The following FMN1 variants were observed in gnomAD, a reference collection of about 807,000 sequenced individuals.
The protein encoded by FMN1 is formin-1.
In FMN1, 110 loss-of-function variants were observed where a neutral mutation model predicts 132.4. The observed-to-expected ratio is 0.83, with a 90% CI of 0.71 to 0.97. The LOEUF (loss-of-function observed/expected upper bound fraction) is 0.97, where lower values mean the gene tolerates loss of function less well. FMN1 is among the 50% of genes least tolerant of loss of function. The pLI is 0.00. For synonymous variants in FMN1, 722 were observed against 651.7 expected (o/e 1.11, Z -1.64); for missense variants, 1,792 against 1,705.3 (o/e 1.05, Z -0.90).
intron 7 of FMN1, among the ~76,000 whole-genome samples, chr15:32,993,051 G>GT (rs1436760126): frequency 3.3e-5 from 5 of 152,210 alleles, no homozygotes; most frequent in Non-Finnish European, 7.3e-5. Flanking sequence ...GAGTCACCAT[G>GT]TAAGGGATGC....
At chr15:33,118,261 T>C (rs2040003379) in intron 4 of FMN1, among the ~76,000 whole-genome samples, 1 of 152,210 alleles carries the variant, frequency 6.6e-6, no homozygotes, top group Non-Finnish European at 1.5e-5. Context: ...CGTAAGAGAT[T>C]TTCTCATTTG....
chr15:32,996,013 T>C (rs1189927412), intron 7 of FMN1, among the ~76,000 whole-genome samples: 1 of 152,228 alleles, frequency 6.6e-6, no homozygotes, highest in African/African-American at 2.4e-5. Flanking sequence ...GAACAAACTT[T>C]ACCATCCAAA....
chr15:32,860,183 G>GAGGA (rs10552498), intron 16 of FMN1, among the ~76,000 whole-genome samples: 19 of 146,240 alleles, frequency 1.3e-4, no homozygotes, highest in Non-Finnish European at 2.7e-4. Context: ...AAAGAAAAGG[G>GAGGA]AGGAAGGAAG....
intron 3 of FMN1, among the ~76,000 whole-genome samples, chr15:33,165,844 G>A (rs953480141): frequency 6.6e-6 from 1 of 152,106 alleles, no homozygotes; most frequent in Non-Finnish European, 1.5e-5. Flanking sequence ...GACCATGGGG[G>A]CTCTCCAAGA....
intron 17 of FMN1, among the ~76,000 whole-genome samples, chr15:32,808,902 T>G (rs915647286): frequency 1.1e-4 from 5 of 45,340 alleles, no homozygotes; most frequent in South Asian, 6.6e-4. Flanking sequence ...AACTTTAGTG[T>G]TTTTTTTTTT....
chr15:33,189,089 T>C (rs537519757), intron 2 of FMN1, among the ~76,000 whole-genome samples: 108 of 152,318 alleles, frequency 7.1e-4, no homozygotes, highest in African/African-American at 2.5e-3. Context: ...AATTAAATTG[T>C]TTTCGGAGGT....
chr15:33,012,628 G>C (rs2034793918), intron 6 of FMN1: 1 of 938,840 alleles, frequency 1.1e-6, no homozygotes, highest in Non-Finnish European at 1.7e-6. Flanking sequence ...CACTGCAAAT[G>C]ACCACAACTG....
Position 33,153,703 on chromosome 15 carries a change from G to C in FMN1, c.1212C>G (p.Ala404=), listed in dbSNP as rs1408884130. The change falls in exon 4 of 21, where the codon GCC becomes GCG. Residue 404 remains alanine (A), a synonymous_variant. Transcript: ENST00000616417. The part of the protein sequence containing the change: ...RSSQSPAGET[A]SISSVSASAE... ...CACTGGCCGACACACTAGAAATGGA[G>C]GCTGTTTCCCCGGCTGGCGACTGCG... The C allele has an allele frequency of 6.5e-7, 1 of 1,536,394 alleles. No homozygotes were observed. The highest frequency in any genetic ancestry group is 2.0e-5 in the Admixed American group (1 of 51,012).
intron 16 of FMN1, among the ~76,000 whole-genome samples, chr15:32,879,926 TAAG>T: frequency 1.3e-5 from 2 of 152,288 alleles, no homozygotes; most frequent in African/African-American, 4.8e-5. Context: ...CTATGCACTT[TAAG>T]AACAGCAGTC....
chr15:32,982,398 T>C (rs1369037899), intron 7 of FMN1, among the ~76,000 whole-genome samples: 4 of 152,174 alleles, frequency 2.6e-5, no homozygotes, highest in Non-Finnish European at 4.4e-5. Flanking sequence ...ATATCAACTA[T>C]CGATCCCACT....
chr15:33,092,542 C>T (rs2038940929), intron 4 of FMN1, among the ~76,000 whole-genome samples: 1 of 152,152 alleles, frequency 6.6e-6, no homozygotes, highest in Non-Finnish European at 1.5e-5. Flanking sequence ...TCTGCCCTCA[C>T]CATGAGACGA....
intron 9 of FMN1, among the ~76,000 whole-genome samples, chr15:32,960,006 T>C (rs1223855017): frequency 6.6e-6 from 1 of 152,228 alleles, no homozygotes; most frequent in Non-Finnish European, 1.5e-5. Flanking sequence ...TATACAGATT[T>C]TCCTTTTGCC....
At chr15:32,971,384 C>T (rs184472593) in intron 7 of FMN1, among the ~76,000 whole-genome samples, 1 of 152,328 alleles carries the variant, frequency 6.6e-6, no homozygotes, top group Admixed American at 6.5e-5. Flanking sequence ...AAGCAAAGTA[C>T]TGCAAATACC....
chr15:33,067,132 C>T (rs1464992161), intron 5 of FMN1: 2 of 1,613,970 alleles, frequency 1.2e-6, no homozygotes, highest in Non-Finnish European at 1.7e-6. Context: ...TACCAACACT[C>T]GAATTCTGGT....
intron 17 of FMN1, among the ~76,000 whole-genome samples, chr15:32,835,604 T>G (rs1427738259): frequency 6.6e-6 from 1 of 152,092 alleles, no homozygotes; most frequent in African/African-American, 2.4e-5. Context: ...GAAGGGTTTG[T>G]TTTCAAATAG....
chr15:33,157,267 A>G (rs1463724918), intron 3 of FMN1, among the ~76,000 whole-genome samples: 2 of 151,720 alleles, frequency 1.3e-5, no homozygotes, highest in Admixed American at 1.3e-4. Flanking sequence ...CCATCTCAAA[A>G]AAAAAAAAAA....
At chr15:33,062,290 T>C (rs774405672) in intron 6 of FMN1, among the ~76,000 whole-genome samples, 1 of 152,182 alleles carries the variant, frequency 6.6e-6, no homozygotes, top group Non-Finnish European at 1.5e-5. Flanking sequence ...CATGTATAAC[T>C]CAAATTTTTA....
intron 17 of FMN1, among the ~76,000 whole-genome samples, chr15:32,840,227 T>C (rs192457349): frequency 6.6e-6 from 1 of 152,250 alleles, no homozygotes; most frequent in Admixed American, 6.5e-5. Context: ...GGCTCAGATT[T>C]AACCAGACCA....
In FMN1 at chr15:32,798,831, C is replaced by T. The variant is rs375921747; in HGVS notation, c.4103G>A (p.Arg1368Gln). 23 of 1,613,140 alleles carry T rather than the reference C, an allele frequency of 1.4e-5. No individual in the cohort carries two copies. Among genetic ancestry groups the T allele is most frequent in the South Asian group, 6.6e-5 (6 of 90,828 alleles). Residue 1368 changes from arginine (R) to glutamine (Q), a missense_variant, in exon 19 of 21, where the codon CGG becomes CAG. Transcript: ENST00000616417. ...TTCTTTAGATATGTTTTTACTCTCC[C>T]GTTTCCAAATTGTCTTGAAGTCACT... ...FCSDFKTIWK[R>Q]ESKNISKERL...
Sources: gnomAD v4.1 joint callset for allele counts (sites outside exome capture counted in the v4.1 genomes callset) on GRCh38, gnomAD v4.1.1 for gene constraint, MANE v1.5 for transcripts, NCBI Gene and HGNC (gene_info 2026-07-23, HGNC 2026-07-21) for gene names.